The following MGAT4C variants were observed in gnomAD, a reference collection of about 807,000 sequenced individuals.
The protein encoded by MGAT4C is alpha-1,3-mannosyl-glycoprotein 4-beta-N-acetylglucosaminyltransferase C.
Under a neutral mutation model 40.1 loss-of-function variants are expected in MGAT4C, and 19 were observed. That is an observed-to-expected ratio of 0.47 (90% CI 0.33 to 0.70). The LOEUF is 0.70. MGAT4C is among the 30% of genes least tolerant of loss of function. The pLI is 0.02. For synonymous variants in MGAT4C, 181 were observed against 187.1 expected, an observed-to-expected ratio of 0.97 and a Z score of 0.27; for missense variants, 491 against 563.2, an observed-to-expected ratio of 0.87 and a Z score of 1.30.
chr12:86,288,098 C>G (rs1392342335), intron 4 of MGAT4C, among the ~76,000 whole-genome samples: 1 of 152,128 alleles, frequency 6.6e-6, no homozygotes, highest in African/African-American at 2.4e-5. Flanking sequence ...CTCTAATGAC[C>G]AGTGATGATG....
At chr12:86,785,754 T>C (rs933742239) in intron 1 of MGAT4C, among the ~76,000 whole-genome samples, 1 of 151,410 alleles carries the variant, frequency 6.6e-6, no homozygotes, top group African/African-American at 2.4e-5. Flanking sequence ...CTATTTTTTA[T>C]ATATACTGTA....
At chr12:86,434,996 A>G (rs1957112421) in intron 3 of MGAT4C, among the ~76,000 whole-genome samples, 2 of 152,112 alleles carry the variant, frequency 1.3e-5, no homozygotes, top group African/African-American at 4.8e-5. Flanking sequence ...ATCTTGCTAT[A>G]ACATAAAGGC....
At chr12:86,763,744 G>C (rs998712089) in intron 1 of MGAT4C, among the ~76,000 whole-genome samples, 5 of 152,054 alleles carry the variant, frequency 3.3e-5, no homozygotes, top group Admixed American at 1.3e-4. Context: ...GTTGTATATG[G>C]TATAACTGCA....
chr12:86,560,816 TAAAAC>T (rs1211741575), intron 2 of MGAT4C, among the ~76,000 whole-genome samples: 3 of 151,958 alleles, frequency 2.0e-5, no homozygotes, highest in Non-Finnish European at 4.4e-5. Context: ...GAGAAAGAAA[TAAAAC>T]ATAACAAAAC....
chr12:86,709,704 C>A (rs1950525242), intron 2 of MGAT4C, among the ~76,000 whole-genome samples: 1 of 152,010 alleles, frequency 6.6e-6, no homozygotes, highest in Admixed American at 6.6e-5. Context: ...AGGAACCTTC[C>A]CTCTCTGCCT....
At chr12:86,288,891 G>A (rs1382991253) in intron 4 of MGAT4C, among the ~76,000 whole-genome samples, 1 of 151,990 alleles carries the variant, frequency 6.6e-6, no homozygotes, top group Non-Finnish European at 1.5e-5. Flanking sequence ...AATCTCTTTT[G>A]CTTTGTAGAA....
Position 86,342,120 on chromosome 12 carries a change from T to C in MGAT4C, c.-119-7993A>G, listed in dbSNP as rs188530879. 1.1e-4 allele frequency among the ~76,000 whole-genome samples: 17 copies of C among 151,942 alleles called. No individual in the cohort carries two copies. The East Asian group carries it at 3.1e-3, about 28-fold the overall frequency. Reference sequence around the variant, plus strand: ...TACATGCTTATAGGCTGGCAACAGGTCCATACCTCCCTGAAACAAAGCTCC... The same window carrying C: ...TACATGCTTATAGGCTGGCAACAGGCCCATACCTCCCTGAAACAAAGCTCC... On this transcript the variant is annotated intron_variant, in intron 3 of 7. Transcript: ENST00000548651.
intron 2 of MGAT4C, among the ~76,000 whole-genome samples, chr12:86,025,943 T>C (rs746738296): frequency 1.6e-4 from 24 of 151,782 alleles, no homozygotes; most frequent in Non-Finnish European, 3.2e-4. Context: ...CATACATATA[T>C]GTTTTTAAAC....
Position 86,523,845 on chromosome 12 carries a change from C to A in MGAT4C, c.-228-88580G>T, listed in dbSNP as rs554874955. On this transcript the variant is annotated intron_variant, in intron 2 of 7. Coordinates refer to the MGAT4C transcript ENST00000548651. ...AACCCTTTATCATTATTTAATGCCC[C>A]TTTTTGTCTTTTTTCATATTTGTTG... 2.8e-4 allele frequency among the ~76,000 whole-genome samples: 43 copies of A among 152,102 alleles called. No homozygotes were observed. The East Asian group carries it at 4.5e-3, about 16-fold the overall frequency.
chr12:86,676,296 A>G (rs1964397953), intron 2 of MGAT4C, among the ~76,000 whole-genome samples: 1 of 152,176 alleles, frequency 6.6e-6, no homozygotes, highest in South Asian at 2.1e-4. Flanking sequence ...AGTGCCCTGT[A>G]GAGAACATGG....
At chr12:86,206,494 A>G (rs972542702) in intron 1 of MGAT4C, among the ~76,000 whole-genome samples, 2 of 152,204 alleles carry the variant, frequency 1.3e-5, no homozygotes, top group East Asian at 3.8e-4. Flanking sequence ...AATGTAAAGT[A>G]TAATAGGATA....
chr12:86,093,326 T>C (rs1487360138), intron 1 of MGAT4C, among the ~76,000 whole-genome samples: 1 of 152,170 alleles, frequency 6.6e-6, no homozygotes, highest in Non-Finnish European at 1.5e-5. Context: ...CTTTCTTGAT[T>C]CTGCATAAGC....
At chr12:86,462,572 T>A (rs1957617757) in intron 2 of MGAT4C, among the ~76,000 whole-genome samples, 1 of 152,098 alleles carries the variant, frequency 6.6e-6, no homozygotes, top group Non-Finnish European at 1.5e-5. Context: ...CAAGGTGAAG[T>A]CCCACAATAG....
intron 2 of MGAT4C, among the ~76,000 whole-genome samples, chr12:86,646,445 C>T (rs546358251): frequency 1.1e-3 from 166 of 151,904 alleles, no homozygotes; most frequent in African/African-American, 3.4e-3. Context: ...GATTGTGAAA[C>T]TTAGTTTCTT....
chr12:86,038,983 G>A (rs1208324757), intron 2 of MGAT4C, among the ~76,000 whole-genome samples: 6 of 149,160 alleles, frequency 4.0e-5, no homozygotes, highest in South Asian at 4.2e-4. Context: ...TTTCTCCTTC[G>A]CTTATGAAGC....
intron 2 of MGAT4C, among the ~76,000 whole-genome samples, chr12:86,557,337 G>C (rs1959658555): frequency 6.6e-6 from 1 of 152,164 alleles, no homozygotes; most frequent in African/African-American, 2.4e-5. Flanking sequence ...CACCATTGGT[G>C]CCTGTACAAG....
At chr12:86,776,320 T>G (rs1448195652) in intron 1 of MGAT4C, among the ~76,000 whole-genome samples, 1 of 152,072 alleles carries the variant, frequency 6.6e-6, no homozygotes, top group Admixed American at 6.6e-5. Context: ...TTATATTAAT[T>G]TAATGTTACT....
At chr12:86,563,128 G>T (rs1428771259) in intron 2 of MGAT4C, among the ~76,000 whole-genome samples, 2 of 152,180 alleles carry the variant, frequency 1.3e-5, no homozygotes, top group Admixed American at 6.5e-5. Flanking sequence ...AAACAGATTT[G>T]TGAGGGGAAC....
At chr12:86,294,348 C>T (rs1164184926) in intron 4 of MGAT4C, among the ~76,000 whole-genome samples, 1 of 129,952 alleles carries the variant, frequency 7.7e-6, no homozygotes, top group Non-Finnish European at 1.7e-5. Context: ...GTGTTATTCA[C>T]ACTCACTAAA....
Sources: allele counts gnomAD v4.1 joint callset (sites outside exome capture counted in the v4.1 genomes callset), GRCh38; gene constraint gnomAD v4.1.1; transcripts MANE v1.5; gene names NCBI Gene and HGNC (gene_info 2026-07-23, HGNC 2026-07-21).